The following GRM7 variants were observed in gnomAD, a reference collection of about 807,000 sequenced individuals.
The protein encoded by GRM7 is metabotropic glutamate receptor 7.
In GRM7, 35 loss-of-function variants were observed where a neutral mutation model predicts 84.5. The ratio of observed to expected loss-of-function variants is 0.41; its 90% confidence interval spans 0.32 to 0.55. The LOEUF (loss-of-function observed/expected upper bound fraction) is 0.55, where lower values mean the gene tolerates loss of function less well. Ranked by LOEUF, GRM7 falls within the 20% of genes least tolerant of loss-of-function variation. GRM7 has a pLI of 0.19. For synonymous variants in GRM7, 487 were observed against 455.1 expected (o/e 1.07, Z -0.89); for missense variants, 1,003 against 1,194.6 (o/e 0.84, Z 2.36).
intron 8 of GRM7, among the ~76,000 whole-genome samples, chr3:7,640,579 GCATATAGAAGGAAAATATATTC>G (rs1698321450): frequency 6.6e-6 from 1 of 152,186 alleles, no homozygotes; most frequent in Admixed American, 6.5e-5. Flanking sequence ...TGCCAGTCAA[GCATATAGAAGGAAAATATATTC>G]CATTTTCTCT....
chr3:6,984,203 G>A (rs536404465), intron 1 of GRM7, among the ~76,000 whole-genome samples: 9 of 152,294 alleles, frequency 5.9e-5, no homozygotes, highest in African/African-American at 1.4e-4. Context: ...CTTGGAGGCC[G>A]TAGAAACTTG....
chr3:7,615,791 T>G (rs1411836503), intron 8 of GRM7, among the ~76,000 whole-genome samples: 2 of 152,096 alleles, frequency 1.3e-5, no homozygotes, highest in Non-Finnish European at 2.9e-5. Context: ...ATTTTTCTTT[T>G]GGCTTGGTAC....
intron 7 of GRM7, among the ~76,000 whole-genome samples, chr3:7,491,873 A>G (rs1362001708): frequency 1.3e-5 from 2 of 152,202 alleles, no homozygotes; most frequent in Admixed American, 1.3e-4. Flanking sequence ...AGATTCTGCT[A>G]CATATATAAC....
intron 1 of GRM7, among the ~76,000 whole-genome samples, chr3:6,997,109 G>A (rs571936827): frequency 3.3e-5 from 5 of 151,888 alleles, no homozygotes; most frequent in African/African-American, 4.8e-5. Flanking sequence ...ATATGGATAC[G>A]CTGAATTAAT....
chr3:7,608,042 G>T (rs536193814), intron 8 of GRM7: 4 of 364,926 alleles, frequency 1.1e-5, no homozygotes, highest in Admixed American at 8.5e-5. Context: ...CTCCATCTAT[G>T]TTCCTGCAAA....
At chr3:7,590,884 T>C (rs1695751645) in intron 8 of GRM7, among the ~76,000 whole-genome samples, 1 of 152,150 alleles carries the variant, frequency 6.6e-6, no homozygotes, top group Non-Finnish European at 1.5e-5. Context: ...TACCTGTATC[T>C]CCTCATTAAA....
At chr3:7,530,501 T>A (rs1271324200) in intron 7 of GRM7, among the ~76,000 whole-genome samples, 1 of 152,174 alleles carries the variant, frequency 6.6e-6, no homozygotes, top group Non-Finnish European at 1.5e-5. Context: ...TGGTTCTAGA[T>A]CCTTGAGGAA....
At chr3:7,084,252 G>T (rs1289800421) in intron 1 of GRM7, among the ~76,000 whole-genome samples, 1 of 152,064 alleles carries the variant, frequency 6.6e-6, no homozygotes, top group Non-Finnish European at 1.5e-5. Context: ...GTACAGGATG[G>T]CATTTCTCAA....
chr3:7,618,822 T>C (rs751742969), intron 8 of GRM7, among the ~76,000 whole-genome samples: 2 of 151,916 alleles, frequency 1.3e-5, no homozygotes, highest in Non-Finnish European at 2.9e-5. Context: ...TTCCTGATGA[T>C]AATACAGAAG....
intron 6 of GRM7, among the ~76,000 whole-genome samples, chr3:7,460,500 T>C (rs865868949): frequency 1.3e-5 from 2 of 152,174 alleles, no homozygotes; most frequent in Non-Finnish European, 2.9e-5. Context: ...AATGGCTGAA[T>C]CTGTGTGTGG....
intron 9 of GRM7, among the ~76,000 whole-genome samples, chr3:7,732,060 G>T (rs199603053): frequency 0.016 from 2,033 of 125,268 alleles, 18 homozygotes; most frequent in Non-Finnish European, 0.023. Context: ...GCTTTTTTTT[G>T]TTTGAGACAG....
At chr3:7,266,141 T>C (rs1430870685) in intron 2 of GRM7, among the ~76,000 whole-genome samples, 72 of 152,036 alleles carry the variant, frequency 4.7e-4, no homozygotes, top group Admixed American at 4.6e-3. Context: ...CATGATGAAA[T>C]GAACAAATGA....
At position 6,889,840 on chromosome 3, in the gene GRM7, C is replaced by T. The variant is rs533902669; in HGVS notation, c.519+27933C>T. On this transcript the variant is annotated intron_variant, in intron 1 of 9. Coordinates refer to ENST00000357716, the MANE Select transcript of GRM7 (RefSeq NM_000844.4). ...TCCTCCTTGTACTTCTGGTAGAATT[C>T]GGCTGTGAATCCATCTGGTCCTGGA... is the stretch of plus-strand genomic sequence containing the variant. Among the ~76,000 whole-genome samples the T allele has an allele frequency of 4.9e-3, 739 of 152,208 alleles. 6 individuals carry two copies. Among genetic ancestry groups the T allele is most frequent in the African/African-American group, 0.016 (670 of 41,538 alleles).
chr3:6,866,767 A>C (rs1280742911), intron 1 of GRM7, among the ~76,000 whole-genome samples: 1 of 152,194 alleles, frequency 6.6e-6, no homozygotes, highest in Non-Finnish European at 1.5e-5. Context: ...AGAAATGATG[A>C]CATCCTGCCT....
chr3:7,378,901 A>C (rs963150701), intron 4 of GRM7, among the ~76,000 whole-genome samples: 2 of 152,136 alleles, frequency 1.3e-5, no homozygotes, highest in Admixed American at 6.5e-5. Flanking sequence ...CAGCTTCTCC[A>C]AGAATCAACA....
chr3:7,192,252 A>G (rs1478570335), intron 2 of GRM7, among the ~76,000 whole-genome samples: 1 of 152,086 alleles, frequency 6.6e-6, no homozygotes, highest in Non-Finnish European at 1.5e-5. Flanking sequence ...CCCGAAGAAC[A>G]TCTAATTTAG....
intron 8 of GRM7, among the ~76,000 whole-genome samples, chr3:7,646,438 T>C (rs575047179): frequency 1.2e-3 from 178 of 152,202 alleles, no homozygotes; most frequent in Middle Eastern, 3.4e-3. Context: ...ATGATCCACC[T>C]GCCTCAGCCT....
chr3:7,108,474 C>T (rs1050576813), intron 1 of GRM7, among the ~76,000 whole-genome samples: 1 of 150,542 alleles, frequency 6.6e-6, no homozygotes, highest in Non-Finnish European at 1.5e-5. Flanking sequence ...TGTGACTTTA[C>T]AGTACCTTGG....
chr3:7,693,833 T>C (rs1700909210), intron 9 of GRM7: 1 of 544,814 alleles, frequency 1.8e-6, no homozygotes, highest in Non-Finnish European at 3.3e-6. Context: ...AGCAACATCC[T>C]CTTAAAAGTC....
Sources: allele counts gnomAD v4.1 joint callset (sites outside exome capture counted in the v4.1 genomes callset), GRCh38; gene constraint gnomAD v4.1.1; transcripts MANE v1.5; gene names NCBI Gene and HGNC (gene_info 2026-07-23, HGNC 2026-07-21).